The following GRIP1 variants were observed in gnomAD, a reference collection of about 807,000 sequenced individuals.
GRIP1 encodes the protein glutamate receptor-interacting protein 1.
GRIP1 carries 45 observed loss-of-function variants against 129.9 expected under a neutral mutation model. That is an observed-to-expected ratio of 0.35 (90% CI 0.27 to 0.44). The LOEUF (loss-of-function observed/expected upper bound fraction) is 0.44. Among genes scored for constraint, GRIP1 ranks in the 20% least tolerant of loss-of-function variants. The pLI is 1.00. For missense variants in GRIP1, 1,196 were observed against 1,396.8 expected (o/e 0.86, Z 2.29); for synonymous variants, 530 against 520.8 (o/e 1.02, Z -0.24).
At chr12:66,978,191 G>C (rs756290870) in intron 1 of GRIP1, among the ~76,000 whole-genome samples, 10 of 147,896 alleles carry the variant, frequency 6.8e-5, no homozygotes, top group African/African-American at 2.5e-4. Context: ...ATCTCAACAA[G>C]AGTTAATAAA....
chr12:67,011,609 C>G (rs1740064728), intron 1 of GRIP1, among the ~76,000 whole-genome samples: 1 of 151,390 alleles, frequency 6.6e-6, no homozygotes, highest in Non-Finnish European at 1.5e-5. Flanking sequence ...TCCATATCCT[C>G]TATTTTTTTT....
intron 13 of GRIP1, among the ~76,000 whole-genome samples, chr12:66,440,245 G>T (rs1267466568): frequency 6.6e-6 from 1 of 152,094 alleles, no homozygotes; most frequent in African/African-American, 2.4e-5. Flanking sequence ...AGTATGCAAT[G>T]CACAATAACC....
At chr12:66,672,634 T>TCTC (rs2034135104) in intron 1 of GRIP1, among the ~76,000 whole-genome samples, 1 of 152,002 alleles carries the variant, frequency 6.6e-6, no homozygotes, top group Non-Finnish European at 1.5e-5. Context: ...AAAAAAGTGG[T>TCTC]AAGAAACTAA....
rs2062083427 is a variant in GRIP1 at position 66,550,335 on chromosome 12, T to C, written c.137-8385A>G. ...CACACAGTAAGTGTTCAATATATGT[T>C]AGCCAAGGTATTATTGTTGTCTTAT... is the stretch of plus-strand genomic sequence containing the variant. On this transcript the variant is annotated intron_variant, in intron 2 of 24. Transcript: ENST00000359742. Among the ~76,000 whole-genome samples, 3 of 152,214 alleles carry C rather than the reference T, an allele frequency of 2.0e-5. No homozygotes were observed. In the South Asian group the frequency reaches 6.2e-4, roughly 32 times the overall value.
chr12:66,391,809 C>T (rs1443515844), intron 19 of GRIP1, among the ~76,000 whole-genome samples: 1 of 152,002 alleles, frequency 6.6e-6, no homozygotes, highest in Non-Finnish European at 1.5e-5. Flanking sequence ...TATGATGGTG[C>T]CAGGGTATTC....
intron 1 of GRIP1, among the ~76,000 whole-genome samples, chr12:66,915,358 T>C (rs977358857): frequency 3.3e-5 from 5 of 152,172 alleles, no homozygotes; most frequent in African/African-American, 1.2e-4. Context: ...CCTCTGCATC[T>C]TGGGGTGGTA....
chr12:66,406,223 A>G, intron 16 of GRIP1, 60 bp downstream of exon 16: 14 of 1,514,004 alleles, frequency 9.2e-6, no homozygotes, highest in Non-Finnish European at 1.1e-5. Flanking sequence ...AAGATCTAAT[A>G]TCTTTGGTGA....
At chr12:66,748,114 G>T (rs1291876999) in intron 1 of GRIP1, among the ~76,000 whole-genome samples, 1 of 152,040 alleles carries the variant, frequency 6.6e-6, no homozygotes, top group Non-Finnish European at 1.5e-5. Flanking sequence ...CACCTTCTGG[G>T]TTTAAGCGAT....
intron 7 of GRIP1, among the ~76,000 whole-genome samples, chr12:66,509,179 TCA>T (rs1273471928): frequency 5.9e-5 from 9 of 152,350 alleles, no homozygotes; most frequent in African/African-American, 1.9e-4. Context: ...TTCAATGTTG[TCA>T]CAGAGTGAAC....
At chr12:66,528,396 C>T (rs2061336226) in intron 5 of GRIP1, among the ~76,000 whole-genome samples, 1 of 152,086 alleles carries the variant, frequency 6.6e-6, no homozygotes, top group African/African-American at 2.4e-5. Flanking sequence ...CTCGGCCTCC[C>T]AAAGTGCTGG....
At chr12:66,730,221 C>T (rs539428225) in intron 1 of GRIP1, among the ~76,000 whole-genome samples, 199 of 152,004 alleles carry the variant, frequency 1.3e-3, no homozygotes, top group African/African-American at 4.3e-3. Flanking sequence ...TTTATTTTAC[C>T]GTAAAATTTA....
At chr12:66,642,413 G>C (rs1224167281) in intron 1 of GRIP1, among the ~76,000 whole-genome samples, 1 of 151,884 alleles carries the variant, frequency 6.6e-6, no homozygotes, top group African/African-American at 2.4e-5. Flanking sequence ...GAAAGAGGGT[G>C]CATGTGTGTG....
chr12:66,373,842 A>C (rs901557300), intron 22 of GRIP1, among the ~76,000 whole-genome samples: 10 of 152,240 alleles, frequency 6.6e-5, no homozygotes, highest in Non-Finnish European at 1.2e-4. Context: ...AATAGATATT[A>C]AAATTACCAT....
At chr12:66,646,854 C>T (rs769149877) in intron 1 of GRIP1, among the ~76,000 whole-genome samples, 13 of 152,202 alleles carry the variant, frequency 8.5e-5, no homozygotes, top group East Asian at 3.9e-4. Flanking sequence ...AGAATTCAGG[C>T]GAGAGGGTGT....
chr12:67,005,353 C>T (rs117762433), intron 1 of GRIP1, among the ~76,000 whole-genome samples: 10 of 152,088 alleles, frequency 6.6e-5, no homozygotes, highest in African/African-American at 1.7e-4. Flanking sequence ...TCAAAAACTA[C>T]GCCACTAGCA....
At chr12:66,587,090 C>G (rs1163268735) in intron 2 of GRIP1, among the ~76,000 whole-genome samples, 1 of 152,200 alleles carries the variant, frequency 6.6e-6, no homozygotes, top group Non-Finnish European at 1.5e-5. Context: ...TGGCCATGCT[C>G]AGCCATTCAA....
At chr12:66,979,233 A>AAAAAAC (rs2042203374) in intron 1 of GRIP1, among the ~76,000 whole-genome samples, 2 of 100,136 alleles carry the variant, frequency 2.0e-5, no homozygotes, top group Non-Finnish European at 4.1e-5. Flanking sequence ...AAAAAAAAAA[A>AAAAAAC]AAAAAAAAAA....
intron 7 of GRIP1, among the ~76,000 whole-genome samples, chr12:66,470,657 A>G (rs1472161564): frequency 6.6e-6 from 1 of 152,198 alleles, no homozygotes; most frequent in Non-Finnish European, 1.5e-5. Context: ...TGACAGCTGA[A>G]CAAGAACCAT....
chr12:66,628,103 T>C (rs2030304025), intron 1 of GRIP1, among the ~76,000 whole-genome samples: 1 of 152,170 alleles, frequency 6.6e-6, no homozygotes, highest in Non-Finnish European at 1.5e-5. Flanking sequence ...TTGGAGCAGC[T>C]GGGGAAAGCC....
Sources: allele counts gnomAD v4.1 joint callset (sites outside exome capture counted in the v4.1 genomes callset), GRCh38; gene constraint gnomAD v4.1.1; transcripts MANE v1.5; gene names NCBI Gene and HGNC (gene_info 2026-07-23, HGNC 2026-07-21).